Variants in CACHD1 observed in about 807,000 individuals in gnomAD.
CACHD1 encodes the protein VWFA and cache domain-containing protein 1.
CACHD1 carries 71 observed loss-of-function variants against 138.7 expected under a neutral mutation model. The observed-to-expected ratio is 0.51, with a 90% CI of 0.42 to 0.62. The LOEUF is 0.62. Among genes scored for constraint, CACHD1 ranks in the 20% least tolerant of loss-of-function variants. The pLI, the probability that CACHD1 is intolerant of heterozygous loss-of-function variation, is 0.00. For missense variants in CACHD1, 1,389 were observed against 1,625.3 expected (o/e 0.85, Z 2.50); for synonymous variants, 578 against 591.5 (o/e 0.98, Z 0.33).
intron 1 of CACHD1, among the ~76,000 whole-genome samples, chr1:64,520,273 T>G (rs576360303): frequency 1.3e-5 from 2 of 152,360 alleles, no homozygotes; most frequent in African/African-American, 4.8e-5. Context: ...ATAATTTGAA[T>G]ATATGTTTAA....
At chr1:64,646,073 T>G (rs541829786) in intron 8 of CACHD1, among the ~76,000 whole-genome samples, 1 of 152,276 alleles carries the variant, frequency 6.6e-6, no homozygotes, top group East Asian at 1.9e-4. Flanking sequence ...TCATACTCAA[T>G]CCTCCATAAC....
At chr1:64,652,906 C>G (rs79411452) in intron 10 of CACHD1, among the ~76,000 whole-genome samples, 3,380 of 152,176 alleles carry the variant, frequency 0.022, 133 homozygotes, top group African/African-American at 0.076. Flanking sequence ...TATATATGTA[C>G]CCAAAGGAAT....
intron 12 of CACHD1, 72 bp downstream of exon 12, chr1:64,654,875 A>G: frequency 8.8e-7 from 1 of 1,142,314 alleles, no homozygotes; most frequent in Non-Finnish European, 1.3e-6. Context: ...TGGAATTCTC[A>G]GCCAGGGGGT....
intron 4 of CACHD1, among the ~76,000 whole-genome samples, chr1:64,618,555 A>G (rs892356190): frequency 3.9e-5 from 6 of 152,230 alleles, no homozygotes; most frequent in African/African-American, 1.4e-4. Flanking sequence ...GGAGCAGCAT[A>G]AAGAGTATCC....
intron 2 of CACHD1, among the ~76,000 whole-genome samples, chr1:64,566,490 C>CCCCG (rs1557496485): frequency 2.1e-5 from 3 of 143,442 alleles, no homozygotes; most frequent in Admixed American, 6.9e-5. Context: ...CCCCCCCCCC[C>CCCCG]ACAAGGTATG....
At chr1:64,615,830 G>C (rs567052893) in intron 4 of CACHD1, among the ~76,000 whole-genome samples, 5 of 152,242 alleles carry the variant, frequency 3.3e-5, no homozygotes, top group Admixed American at 3.3e-4. Flanking sequence ...AACCATCTAT[G>C]ATGAGCCCAG....
intron 16 of CACHD1, among the ~76,000 whole-genome samples, chr1:64,670,840 G>A (rs1367454736): frequency 1.3e-5 from 2 of 152,178 alleles, no homozygotes; most frequent in African/African-American, 2.4e-5. Flanking sequence ...AGGTGAAACA[G>A]CATTCCATAA....
At chr1:64,595,580 GTCTT>G (rs1647143833) in intron 3 of CACHD1, among the ~76,000 whole-genome samples, 1 of 152,110 alleles carries the variant, frequency 6.6e-6, no homozygotes, top group Admixed American at 6.5e-5. Context: ...CCAGATACCC[GTCTT>G]TCTTCATGTG....
chr1:64,612,528 G>A (rs1473931798), intron 4 of CACHD1, among the ~76,000 whole-genome samples: 4 of 152,170 alleles, frequency 2.6e-5, no homozygotes, highest in African/African-American at 9.7e-5. Context: ...AGTCTAGGTA[G>A]TAGTATATAG....
At chr1:64,671,786 T>C in intron 17 of CACHD1, 100 bp downstream of exon 17, 1 of 1,437,588 alleles carries the variant, frequency 7.0e-7, no homozygotes, top group African/African-American at 1.4e-5. Context: ...TGGTCAGGAA[T>C]AGAAATCTAA....
chr1:64,668,607 A>G (rs1410265174), intron 16 of CACHD1, among the ~76,000 whole-genome samples: 2 of 152,206 alleles, frequency 1.3e-5, no homozygotes, highest in Non-Finnish European at 2.9e-5. Context: ...CTAGAATATA[A>G]TAAGAGCAAG....
Position 64,629,500 on chromosome 1 carries a change from T to C in CACHD1, c.644+19T>C. 1 of 1,610,132 alleles carries C rather than the reference T, an allele frequency of 6.2e-7. No individual in the cohort carries two copies. Among genetic ancestry groups the C allele is most frequent in the Non-Finnish European group, 8.5e-7 (1 of 1,178,452 alleles). On this transcript the variant is annotated intron_variant, in intron 5 of 26. Transcript: ENST00000651257. ...GCAGTAGGTATGTTGACTTGCATGCTAAAGTTTTTAATTATTGCTTAAGAG... is the reference window on the plus strand; with the variant it reads ...GCAGTAGGTATGTTGACTTGCATGCCAAAGTTTTTAATTATTGCTTAAGAG...
At chr1:64,598,864 A>G (rs1647184985) in intron 3 of CACHD1, among the ~76,000 whole-genome samples, 1 of 150,762 alleles carries the variant, frequency 6.6e-6, no homozygotes. Flanking sequence ...TGTGTTGGAA[A>G]CTAATCACCA....
chr1:64,554,842 G>A (rs1646784808), intron 2 of CACHD1, among the ~76,000 whole-genome samples: 2 of 152,312 alleles, frequency 1.3e-5, no homozygotes, highest in South Asian at 2.1e-4. Context: ...ACTGAAATGT[G>A]TCTAGAGCTA....
intron 2 of CACHD1, among the ~76,000 whole-genome samples, chr1:64,580,312 A>G (rs2100533861): frequency 6.6e-6 from 1 of 152,336 alleles, no homozygotes; most frequent in Non-Finnish European, 1.5e-5. Context: ...TGACTGAATT[A>G]CAAATTGGGA....
intron 2 of CACHD1, among the ~76,000 whole-genome samples, chr1:64,570,401 G>A (rs952801019): frequency 6.6e-6 from 1 of 152,148 alleles, no homozygotes; most frequent in Non-Finnish European, 1.5e-5. Flanking sequence ...TTCACACTGG[G>A]TGTCACTTAA....
chr1:64,553,647 C>T (rs1421676237), intron 2 of CACHD1, among the ~76,000 whole-genome samples: 1 of 152,084 alleles, frequency 6.6e-6, no homozygotes, highest in Non-Finnish European at 1.5e-5. Flanking sequence ...ACTTACTACC[C>T]AGCTAAAGAA....
chr1:64,558,382 C>T (rs541831563), intron 2 of CACHD1, among the ~76,000 whole-genome samples: 2 of 152,228 alleles, frequency 1.3e-5, no homozygotes, highest in South Asian at 2.1e-4. Context: ...TCCCATGTCA[C>T]CTTCTCAATG....
At chr1:64,563,090 G>C (rs989859819) in intron 2 of CACHD1, among the ~76,000 whole-genome samples, 3 of 152,096 alleles carry the variant, frequency 2.0e-5, no homozygotes, top group Non-Finnish European at 2.9e-5. Context: ...TTTATCTTTA[G>C]ATAGAGTTTG....
Sources: gnomAD v4.1 joint callset for allele counts (sites outside exome capture counted in the v4.1 genomes callset) on GRCh38, gnomAD v4.1.1 for gene constraint, MANE v1.5 for transcripts, NCBI Gene and HGNC (gene_info 2026-07-23, HGNC 2026-07-21) for gene names.